CALN1: variants seen among roughly 807,000 people sequenced by gnomAD.
The protein encoded by CALN1 is calcium-binding protein 8.
CALN1 carries 17 observed loss-of-function variants against 30.6 expected under a neutral mutation model. The ratio of observed to expected loss-of-function variants is 0.56; its 90% CI spans 0.38 to 0.83. The LOEUF (loss-of-function observed/expected upper bound fraction) is 0.83. Among genes scored for constraint, CALN1 ranks in the 40% least tolerant of loss-of-function variants. The probability of loss-of-function intolerance (pLI) is 0.00; values close to 1 mark genes in which losing one functional copy is unlikely to be tolerated. For synonymous variants in CALN1, 156 were observed against 131.4 expected (o/e 1.19, Z -1.28); for missense variants, 291 against 354.9 (o/e 0.82, Z 1.45).
intron 5 of CALN1, among the ~76,000 whole-genome samples, chr7:71,964,445 G>A (rs1365031418): frequency 6.6e-6 from 1 of 152,166 alleles, no homozygotes; most frequent in East Asian, 1.9e-4. Context: ...CAAGGACAGA[G>A]GGCTTTCTGT....
intron 5 of CALN1, among the ~76,000 whole-genome samples, chr7:71,826,277 C>A (rs907253525): frequency 1.3e-5 from 2 of 152,006 alleles, no homozygotes; most frequent in South Asian, 2.1e-4. Flanking sequence ...CCAGAATGCA[C>A]TGGTGGCTTA....
At chr7:72,285,357 C>T (rs938819082) in intron 2 of CALN1, among the ~76,000 whole-genome samples, 4 of 152,164 alleles carry the variant, frequency 2.6e-5, no homozygotes, top group Non-Finnish European at 5.9e-5. Context: ...CATTCTCCTG[C>T]CTCAGCCTCC....
intron 2 of CALN1, among the ~76,000 whole-genome samples, chr7:72,388,508 G>A (rs959086048): frequency 2.0e-5 from 3 of 152,124 alleles, no homozygotes; most frequent in Admixed American, 6.5e-5. Context: ...TTCATTAACC[G>A]CAGCACATGT....
chr7:72,187,833 T>C (rs957707148), intron 3 of CALN1, among the ~76,000 whole-genome samples: 10 of 152,354 alleles, frequency 6.6e-5, no homozygotes, highest in South Asian at 4.1e-4. Context: ...ATTTGTGATA[T>C]ATGTTCATCC....
chr7:71,808,481 T>G (rs1787751385), intron 6 of CALN1, among the ~76,000 whole-genome samples: 1 of 152,028 alleles, frequency 6.6e-6, no homozygotes, highest in Admixed American at 6.6e-5. Context: ...TATATATTAA[T>G]CATATTACAT....
At chr7:72,337,565 T>A (rs1459834347) in intron 2 of CALN1, 1 of 153,360 alleles carries the variant, frequency 6.5e-6, no homozygotes, top group East Asian at 1.9e-4. Flanking sequence ...CTGCTGCTCC[T>A]CAGCACAGGA....
chr7:72,229,970 G>A (rs944327957), intron 3 of CALN1, among the ~76,000 whole-genome samples: 10 of 151,584 alleles, frequency 6.6e-5, no homozygotes, highest in East Asian at 1.9e-4. Context: ...GTGAAACCCC[G>A]TCTCTACAAA....
chr7:72,085,316 T>G (rs1584911071), intron 4 of CALN1, among the ~76,000 whole-genome samples: 1 of 152,264 alleles, frequency 6.6e-6, no homozygotes, highest in African/African-American at 2.4e-5. Flanking sequence ...CTCTACAAAT[T>G]TTTTAAAAAT....
intron 3 of CALN1, among the ~76,000 whole-genome samples, chr7:72,154,060 G>A (rs1787467718): frequency 6.6e-6 from 1 of 152,084 alleles, no homozygotes; most frequent in Non-Finnish European, 1.5e-5. Context: ...CTCATGATGA[G>A]ATGTCCCTGC....
intron 4 of CALN1, among the ~76,000 whole-genome samples, chr7:72,044,065 G>C (rs1802304943): frequency 1.3e-5 from 2 of 151,932 alleles, no homozygotes; most frequent in African/African-American, 4.8e-5. Flanking sequence ...CCTCCCACCG[G>C]GTCCCTCCCA....
chr7:72,386,456 A>ACCC (rs1805214805), intron 2 of CALN1, among the ~76,000 whole-genome samples: 1 of 152,196 alleles, frequency 6.6e-6, no homozygotes. Flanking sequence ...CCTATGGGTA[A>ACCC]ATTGGTTAAC....
intron 3 of CALN1, among the ~76,000 whole-genome samples, chr7:72,154,931 C>A (rs898156581): frequency 2.6e-5 from 4 of 151,598 alleles, no homozygotes; most frequent in African/African-American, 9.7e-5. Context: ...GTGGTGTGTG[C>A]TTTTAGTCCC....
At chr7:71,966,117 C>G (rs961383009) in intron 5 of CALN1, among the ~76,000 whole-genome samples, 5 of 152,176 alleles carry the variant, frequency 3.3e-5, no homozygotes, top group African/African-American at 1.2e-4. Flanking sequence ...TGTGCAAGAC[C>G]AGATAACAAA....
In CALN1 at chr7:71,787,127, C is replaced by T. The variant is rs1298598967; in HGVS notation, c.*648G>A. The T allele has an allele frequency of 6.5e-6, 1 of 152,690 alleles. No individual in the cohort carries two copies. The highest frequency in any genetic ancestry group is 1.5e-5 in the Non-Finnish European group (1 of 68,148). The allele number at this position is 152,690 out of a possible 1,614,324, so 9.5% of individuals were successfully genotyped here. ...CAAGTGCCGACGGAAACTGAGAGCA[C>T]CCCAGCTCTACCAATGGCAGTCCTC... is the stretch of plus-strand genomic sequence containing the variant. On this transcript the variant is annotated 3_prime_UTR_variant, in exon 7 of 7. Transcript: ENST00000395275.
upstream of CALN1, among the ~76,000 whole-genome samples, chr7:72,450,172 C>T (rs1211794763): frequency 1.3e-5 from 2 of 152,160 alleles, no homozygotes; most frequent in African/African-American, 4.8e-5. Flanking sequence ...TGCTACTGTA[C>T]TCCAGCCTGG....
chr7:71,895,788 A>G (rs546513158), intron 5 of CALN1, among the ~76,000 whole-genome samples: 6 of 152,326 alleles, frequency 3.9e-5, no homozygotes, highest in Admixed American at 3.9e-4. Context: ...CATTCATTAG[A>G]GTTCGTGCTT....
At chr7:72,474,816 A>G in the CALN1 span, among the ~76,000 whole-genome samples, 4 of 152,188 alleles carry the variant, frequency 2.6e-5, no homozygotes, top group South Asian at 6.2e-4. Context: ...GCTTCTGCAC[A>G]TGTGCCCAGC....
intron 3 of CALN1, among the ~76,000 whole-genome samples, chr7:72,207,376 T>C (rs750712332): frequency 1.1e-4 from 17 of 152,164 alleles, no homozygotes; most frequent in Middle Eastern, 3.2e-3. Context: ...AACACCCTCA[T>C]TGGCCAACTC....
intron 5 of CALN1, among the ~76,000 whole-genome samples, chr7:71,815,717 CCTTCCTTT>C (rs1019808738): frequency 5.9e-5 from 9 of 151,570 alleles, no homozygotes; most frequent in South Asian, 4.2e-4. Flanking sequence ...TCCCTTCCAT[CCTTCCTTT>C]CTTCCTTCCT....
Sources: allele counts gnomAD v4.1 joint callset (sites outside exome capture counted in the v4.1 genomes callset), GRCh38; gene constraint gnomAD v4.1.1; transcripts MANE v1.5; gene names NCBI Gene and HGNC (gene_info 2026-07-23, HGNC 2026-07-21).